Variants in CHODL observed in about 807,000 individuals in gnomAD.
CHODL encodes the protein chondrolectin, also known as transmembrane protein MT75.
In CHODL, 29 loss-of-function variants were observed where a neutral mutation model predicts 34.5. The observed-to-expected ratio is 0.84, with a 90% CI of 0.63 to 1.15. The LOEUF (loss-of-function observed/expected upper bound fraction) is 1.15, where lower values mean the gene tolerates loss of function less well. Among genes scored for constraint, CHODL ranks in the 50% most tolerant of loss-of-function variants. The pLI is 0.00. For missense variants in CHODL, 332 were observed against 332.5 expected (o/e 1.00, Z 0.01); for synonymous variants, 125 against 116.1 (o/e 1.08, Z -0.49).
chr21:18,066,528 G>A (rs2064733988), intron 2 of CHODL, among the ~76,000 whole-genome samples: 1 of 152,110 alleles, frequency 6.6e-6, no homozygotes, highest in Admixed American at 6.6e-5. Flanking sequence ...CCTTGGGACA[G>A]GGATAGAGAA....
In CHODL at chr21:18,250,323, A is replaced by T. The variant is rs181200991; in HGVS notation, c.79+5021A>T. On this transcript the variant is annotated intron_variant, in intron 1 of 5. Transcript: ENST00000299295. ...TCCATTGTAAATATTCTGATTTTTTAAAAAAATAGTCTCATGCTCTTCTCA... is the reference window on the plus strand; with the variant it reads ...TCCATTGTAAATATTCTGATTTTTTTAAAAAATAGTCTCATGCTCTTCTCA... Among the ~76,000 whole-genome samples the T allele has an allele frequency of 4.7e-3, 714 of 151,942 alleles. 5 individuals carry two copies. Among genetic ancestry groups the T allele is most frequent in the Middle Eastern group, 0.014 (4 of 294 alleles).
chr21:18,262,574 C>T lies in CHODL; in HGVS notation c.635-217C>T, dbSNP rs116691989. On this transcript the variant is annotated intron_variant, in intron 4 of 5. Transcript: ENST00000299295. ...CAGCTCCATTATAATCTTATGGGAC[C>T]ACTGTCACATATGTGATGCATCGTT... 5.9e-3 allele frequency among the ~76,000 whole-genome samples: 895 copies of T among 152,204 alleles called. 12 individuals carry two copies. The highest frequency in any genetic ancestry group is 0.021 in the African/African-American group (872 of 41,522).
chr21:18,159,072 T>C lies in CHODL; in HGVS notation c.-44-97437T>C, dbSNP rs75827555. Among the ~76,000 whole-genome samples the C allele has an allele frequency of 8.0e-3, 1,214 of 152,260 alleles. 17 individuals carry two copies. The highest frequency in any genetic ancestry group is 0.028 in the African/African-American group (1,156 of 41,546). The stretch of plus-strand genomic sequence containing the variant: ...AATACATTTTAGTTTGGAGCAGTGG[T>C]TCTTAAATGCAGACACTTTTTACCC... On this transcript the variant is annotated intron_variant, in intron 2 of 6. Coordinates refer to the CHODL transcript ENST00000400127.
chr21:18,171,164 T>C (rs1406765650), intron 2 of CHODL, among the ~76,000 whole-genome samples: 4 of 1,494 alleles, frequency 2.7e-3, no homozygotes, highest in African/African-American at 4.8e-3. Flanking sequence ...TTCTCATACT[T>C]TTTTTTTTTG....
rs1169497749 is a variant in CHODL at position 18,075,229 on chromosome 21, G to T, written c.-45+47258G>T. Among the ~76,000 whole-genome samples the T allele has an allele frequency of 2.0e-5, 3 of 152,138 alleles. No homozygotes were observed. In the East Asian group the frequency reaches 5.8e-4, roughly 29 times the overall value. ...TCATGCCACCTTCTTTGGGTTGATG[G>T]AACTTCTGAGAAAATGGGTTATGAG... is the stretch of plus-strand genomic sequence containing the variant. On this transcript the variant is annotated intron_variant, in intron 2 of 6. Transcript: ENST00000400127.
intron 1 of CHODL, among the ~76,000 whole-genome samples, chr21:18,247,355 A>G (rs149404235): frequency 6.6e-6 from 1 of 152,244 alleles, no homozygotes; most frequent in East Asian, 1.9e-4. Flanking sequence ...AAATTTCAGT[A>G]CAACAATTTA....
At chr21:18,037,345 A>G (rs917321763) in intron 2 of CHODL, among the ~76,000 whole-genome samples, 7 of 151,926 alleles carry the variant, frequency 4.6e-5, no homozygotes, top group South Asian at 2.1e-4. Flanking sequence ...GGAGTAGACA[A>G]TGTAAATGGA....
intron 1 of CHODL, among the ~76,000 whole-genome samples, chr21:17,976,591 C>T (rs1268538580): frequency 2.0e-5 from 3 of 152,138 alleles, no homozygotes; most frequent in Admixed American, 2.0e-4. Context: ...TTTCTAACAG[C>T]CCTTTAACTA....
chr21:18,249,008 AAT>A (rs35373711), intron 1 of CHODL, among the ~76,000 whole-genome samples: 8 of 109,010 alleles, frequency 7.3e-5, no homozygotes, highest in African/African-American at 2.9e-4. Context: ...ATTTATATAT[AAT>A]ATATATTATA....
At chr21:18,034,041 C>G (rs567663520) in intron 2 of CHODL, among the ~76,000 whole-genome samples, 1 of 151,908 alleles carries the variant, frequency 6.6e-6, no homozygotes, top group African/African-American at 2.4e-5. Flanking sequence ...AATTGAGAAC[C>G]CTATGAGTGG....
chr21:18,032,784 C>T (rs555756550), intron 2 of CHODL, among the ~76,000 whole-genome samples: 17 of 152,094 alleles, frequency 1.1e-4, no homozygotes, highest in African/African-American at 2.6e-4. Context: ...AGAATTCCAT[C>T]GACATGTAGT....
intron 2 of CHODL, among the ~76,000 whole-genome samples, chr21:18,190,139 C>G (rs2073494032): frequency 6.6e-6 from 1 of 151,982 alleles, no homozygotes; most frequent in Non-Finnish European, 1.5e-5. Context: ...GCCCTTCTAT[C>G]TTACATTTTG....
intron 1 of CHODL, among the ~76,000 whole-genome samples, chr21:17,928,532 G>A (rs1455951830): frequency 6.6e-6 from 1 of 152,094 alleles, no homozygotes; most frequent in Non-Finnish European, 1.5e-5. Flanking sequence ...TGCTGAGCAT[G>A]GTACGTTTTA....
chr21:17,986,287 G>C (rs983405355), intron 1 of CHODL, among the ~76,000 whole-genome samples: 7 of 152,034 alleles, frequency 4.6e-5, no homozygotes, highest in Admixed American at 1.3e-4. Flanking sequence ...CCTAAATTAG[G>C]TATTTCTCTT....
At chr21:18,203,038 AT>A (rs1309795546) in intron 2 of CHODL, among the ~76,000 whole-genome samples, 1 of 152,228 alleles carries the variant, frequency 6.6e-6, no homozygotes, top group East Asian at 1.9e-4. Flanking sequence ...GAATGATCCA[AT>A]TATTAAATGA....
At chr21:17,966,977 C>T (rs935775991) in intron 1 of CHODL, among the ~76,000 whole-genome samples, 19 of 151,910 alleles carry the variant, frequency 1.3e-4, no homozygotes, top group Middle Eastern at 3.4e-3. Flanking sequence ...CCTCCGCATC[C>T]GGGTTCAAGT....
At chr21:18,094,037 C>A (rs533668408) in intron 2 of CHODL, among the ~76,000 whole-genome samples, 9 of 152,130 alleles carry the variant, frequency 5.9e-5, no homozygotes, top group African/African-American at 2.2e-4. Flanking sequence ...AAAAGATATT[C>A]TATTCCAATG....
At chr21:18,247,994 T>C (rs1161749253) in intron 1 of CHODL, among the ~76,000 whole-genome samples, 1 of 151,440 alleles carries the variant, frequency 6.6e-6, no homozygotes, top group African/African-American at 2.4e-5. Flanking sequence ...TGAAGTGTTT[T>C]GAAGTAATGT....
chr21:18,211,161 C>CACAA (rs2073770726), intron 2 of CHODL, among the ~76,000 whole-genome samples: 2 of 151,586 alleles, frequency 1.3e-5, no homozygotes, highest in Admixed American at 1.3e-4. Flanking sequence ...CACACACACA[C>CACAA]ACACACACTC....
Sources: gnomAD v4.1 joint callset for allele counts (sites outside exome capture counted in the v4.1 genomes callset) on GRCh38, gnomAD v4.1.1 for gene constraint, MANE v1.5 for transcripts, NCBI Gene and HGNC (gene_info 2026-07-23, HGNC 2026-07-21) for gene names.